Variants in ALG14 observed in about 807,000 individuals in gnomAD.
ALG14 encodes the protein UDP-N-acetylglucosamine transferase subunit ALG14.
ALG14 carries 17 observed loss-of-function variants against 22.8 expected under a neutral mutation model. That is an observed-to-expected ratio of 0.75 (90% CI 0.51 to 1.12). The LOEUF (loss-of-function observed/expected upper bound fraction) is 1.12. Among genes scored for constraint, ALG14 ranks in the 50% most tolerant of loss-of-function variants. The probability of loss-of-function intolerance (pLI) is 0.00; values close to 1 mark genes in which losing one functional copy is unlikely to be tolerated. For missense variants in ALG14, 288 were observed against 271.8 expected (o/e 1.06, Z -0.42); for synonymous variants, 89 against 103.7 (o/e 0.86, Z 0.86).
intron 3 of ALG14, among the ~76,000 whole-genome samples, chr1:95,005,700 G>A (rs542465214): frequency 2.0e-4 from 31 of 152,242 alleles, no homozygotes; most frequent in Non-Finnish European, 3.8e-4. Context: ...ACTGGACCCC[G>A]TCCTCCTAGA....
chr1:95,026,462 ATGTGTGTGTGTGTGTGTG>A (rs141495807), intron 3 of ALG14, among the ~76,000 whole-genome samples: 1 of 142,250 alleles, frequency 7.0e-6, no homozygotes, highest in African/African-American at 2.6e-5. Context: ...AGCCCAAGGA[ATGTGTGTGTGTGTGTGTG>A]TGTGTGTGTG....
At chr1:95,049,317 G>C (rs1004095826) in intron 2 of ALG14, among the ~76,000 whole-genome samples, 9 of 152,150 alleles carry the variant, frequency 5.9e-5, no homozygotes, top group Non-Finnish European at 1.0e-4. Flanking sequence ...CAGATTGCTT[G>C]AGTTCAGGAG....
intron 3 of ALG14, among the ~76,000 whole-genome samples, chr1:94,998,468 T>C (rs912852160): frequency 2.0e-5 from 3 of 152,228 alleles, no homozygotes; most frequent in African/African-American, 7.2e-5. Context: ...TAACTTTAAA[T>C]GTGATGTTAA....
chr1:94,983,489 G>C, intron 3 of ALG14, 183 bp from the exon 4 acceptor site: 1 of 588,274 alleles, frequency 1.7e-6, no homozygotes. Flanking sequence ...GAGCCAGGCA[G>C]AGCTGTGTTG....
chr1:95,038,688 A>G (rs1295778924), intron 2 of ALG14, among the ~76,000 whole-genome samples: 1 of 151,638 alleles, frequency 6.6e-6, no homozygotes, highest in Non-Finnish European at 1.5e-5. Context: ...CCTCAAAAAA[A>G]AAAAAAAACA....
At chr1:94,985,897 A>T (rs902184607) in intron 3 of ALG14, among the ~76,000 whole-genome samples, 1 of 152,214 alleles carries the variant, frequency 6.6e-6, no homozygotes, top group African/African-American at 2.4e-5. Context: ...GGACTGAAAA[A>T]AAAAAAGCAA....
intron 2 of ALG14, among the ~76,000 whole-genome samples, chr1:95,045,889 T>TATAC: frequency 1.4e-5 from 2 of 146,124 alleles, no homozygotes; most frequent in Admixed American, 1.4e-4. Context: ...AGTAATAGAA[T>TATAC]TAATATACTA....
intron 3 of ALG14, among the ~76,000 whole-genome samples, chr1:94,988,432 C>A (rs1672693422): frequency 6.6e-6 from 1 of 152,172 alleles, no homozygotes; most frequent in African/African-American, 2.4e-5. Flanking sequence ...GAGAAAAGAT[C>A]TTCAGATTTG....
At chr1:95,058,284 GAAAAA>G (rs56748968) in intron 2 of ALG14, among the ~76,000 whole-genome samples, 1 of 20,512 alleles carries the variant, frequency 4.9e-5, no homozygotes, top group East Asian at 1.8e-3. Context: ...GACTCCATCT[GAAAAA>G]AAAAAAAAAA....
chr1:95,063,164 G>C (rs985243754), intron 2 of ALG14, among the ~76,000 whole-genome samples: 25 of 152,188 alleles, frequency 1.6e-4, no homozygotes, highest in African/African-American at 5.5e-4. Context: ...TTGTAAATTT[G>C]TTTAAGTTCC....
chr1:94,984,997 G>T (rs1672603873), intron 3 of ALG14, among the ~76,000 whole-genome samples: 1 of 151,690 alleles, frequency 6.6e-6, no homozygotes, highest in Admixed American at 6.6e-5. Context: ...TATATGTGCT[G>T]CCAAAGTGAG....
chr1:94,995,025 G>A (rs1488874287), intron 3 of ALG14, among the ~76,000 whole-genome samples: 1 of 152,142 alleles, frequency 6.6e-6, no homozygotes, highest in Non-Finnish European at 1.5e-5. Flanking sequence ...TTCAATCATG[G>A]CACTCTCTTA....
intron 3 of ALG14, among the ~76,000 whole-genome samples, chr1:95,010,990 C>A (rs912455326): frequency 6.6e-6 from 1 of 152,136 alleles, no homozygotes; most frequent in African/African-American, 2.4e-5. Context: ...AAGAAACCAT[C>A]CTGACCATAT....
At chr1:94,983,367 T>G in intron 3 of ALG14, 61 bp from the exon 4 acceptor site, 2 of 1,410,408 alleles carry the variant, frequency 1.4e-6, no homozygotes, top group South Asian at 2.5e-5. Flanking sequence ...GGAGGCATTT[T>G]GCATTAAGAA....
chr1:95,065,080 T>C (rs1169500367), intron 1 of ALG14, 63 bp from the exon 2 acceptor site: 5 of 1,454,502 alleles, frequency 3.4e-6, no homozygotes, highest in Non-Finnish European at 4.6e-6. Context: ...CATTTGACCA[T>C]GTTATACCAA....
Position 95,038,726 on chromosome 1 carries a change from T to TG in ALG14, c.289-11467_289-11466insC, listed in dbSNP as rs1221064499. Reference sequence around the variant, plus strand: ...GTGATAAACTATAAGGTTTTTTTTTTTTTTTTTTTTGAGACAGGGTCTCCC... The same window carrying TG: ...GTGATAAACTATAAGGTTTTTTTTTTGTTTTTTTTTTGAGACAGGGTCTCCC... On this transcript the variant is annotated intron_variant, in intron 2 of 3. Transcript: ENST00000370205. Among the ~76,000 whole-genome samples the TG allele has an allele frequency of 1.0e-4, 15 of 149,628 alleles. 2 individuals are homozygous for TG. The East Asian group carries it at 2.9e-3, about 29-fold the overall frequency.
chr1:95,053,431 A>G (rs1674820253), intron 2 of ALG14, among the ~76,000 whole-genome samples: 1 of 152,270 alleles, frequency 6.6e-6, no homozygotes, highest in Non-Finnish European at 1.5e-5. Context: ...AAAATAATTC[A>G]CTACGTAGAA....
chr1:95,009,463 A>G (rs1458616448), intron 3 of ALG14, among the ~76,000 whole-genome samples: 3 of 152,176 alleles, frequency 2.0e-5, no homozygotes, highest in Non-Finnish European at 2.9e-5. Flanking sequence ...CAAAGAAGTC[A>G]CAATAATTGT....
intron 1 of ALG14, among the ~76,000 whole-genome samples, chr1:95,071,219 A>G (rs1013224108): frequency 1.3e-5 from 2 of 152,150 alleles, no homozygotes; most frequent in Non-Finnish European, 2.9e-5. Context: ...CCCCTACATG[A>G]TATCAACAGT....
Sources: gnomAD v4.1 joint callset for allele counts (sites outside exome capture counted in the v4.1 genomes callset) on GRCh38, gnomAD v4.1.1 for gene constraint, MANE v1.5 for transcripts, NCBI Gene and HGNC (gene_info 2026-07-23, HGNC 2026-07-21) for gene names.